The following CDH12 variants were observed in gnomAD, a reference collection of about 807,000 sequenced individuals.
The protein encoded by CDH12 is cadherin 12.
In CDH12, 41 loss-of-function variants were observed where a neutral mutation model predicts 74.1. That is an observed-to-expected ratio of 0.55 (90% CI 0.43 to 0.72). The LOEUF (loss-of-function observed/expected upper bound fraction) is 0.72. CDH12 is among the 30% of genes least tolerant of loss of function. CDH12 has a pLI of 0.00. For missense variants in CDH12, 945 were observed against 977.2 expected (o/e 0.97, Z 0.44); for synonymous variants, 399 against 355.0 (o/e 1.12, Z -1.39).
chr5:22,376,513 C>G (rs556501831), intron 3 of CDH12, among the ~76,000 whole-genome samples: 9 of 151,970 alleles, frequency 5.9e-5, no homozygotes, highest in Non-Finnish European at 1.3e-4. Context: ...ATTACATACC[C>G]TGACTTGATC....
intron 6 of CDH12, among the ~76,000 whole-genome samples, chr5:21,958,882 C>G (rs1756218984): frequency 6.6e-6 from 1 of 152,120 alleles, no homozygotes; most frequent in Non-Finnish European, 1.5e-5. Flanking sequence ...TTGATTTGTG[C>G]AGTATGGCCT....
intron 8 of CDH12, among the ~76,000 whole-genome samples, chr5:21,821,004 A>AT (rs976092854): frequency 6.6e-6 from 1 of 151,882 alleles, no homozygotes; most frequent in African/African-American, 2.4e-5. Context: ...CAAAATCTTC[A>AT]TTTTCCCATA....
intron 4 of CDH12, among the ~76,000 whole-genome samples, chr5:22,194,472 C>T (rs1312388048): frequency 6.6e-6 from 1 of 151,904 alleles, no homozygotes; most frequent in African/African-American, 2.4e-5. Context: ...GCTGGGATTA[C>T]AAGCGTCCGC....
At chr5:22,276,416 TTA>T (rs1369628773) in intron 3 of CDH12, among the ~76,000 whole-genome samples, 2 of 152,194 alleles carry the variant, frequency 1.3e-5, no homozygotes, top group Non-Finnish European at 2.9e-5. Flanking sequence ...TGTACTAGTA[TTA>T]TATGTTATGT....
intron 6 of CDH12, among the ~76,000 whole-genome samples, chr5:21,935,307 A>T (rs10062496): frequency 0.3 from 45,431 of 152,076 alleles, 11,028 homozygotes; most frequent in African/African-American, 0.67. Context: ...TATTAAAAAT[A>T]TTTATTCAGT....
chr5:22,123,603 G>A (rs1459857093), intron 4 of CDH12, among the ~76,000 whole-genome samples: 1 of 152,056 alleles, frequency 6.6e-6, no homozygotes, highest in Non-Finnish European at 1.5e-5. Flanking sequence ...GGTTTTAGAT[G>A]GTTATAAGGC....
chr5:22,366,332 C>A (rs1409165784), intron 3 of CDH12, among the ~76,000 whole-genome samples: 1 of 151,670 alleles, frequency 6.6e-6, no homozygotes, highest in Non-Finnish European at 1.5e-5. Context: ...CAAATAAATC[C>A]CCTTTAATAT....
At chr5:22,476,236 T>C (rs1331713669) in intron 2 of CDH12, among the ~76,000 whole-genome samples, 5 of 152,110 alleles carry the variant, frequency 3.3e-5, no homozygotes, top group African/African-American at 9.7e-5. Flanking sequence ...GCAAACAGAT[T>C]GGTAATTCAT....
chr5:22,704,410 T>A (rs1315335728), intron 1 of CDH12, among the ~76,000 whole-genome samples: 2 of 152,154 alleles, frequency 1.3e-5, no homozygotes, highest in Non-Finnish European at 2.9e-5. Flanking sequence ...AATCAAATTT[T>A]TTTTTAGCTA....
chr5:22,399,536 A>G (rs147504244), intron 3 of CDH12, among the ~76,000 whole-genome samples: 9 of 152,306 alleles, frequency 5.9e-5, no homozygotes, highest in African/African-American at 2.2e-4. Context: ...ACATGTGGAC[A>G]GAGCACATAA....
Position 22,225,550 on chromosome 5 carries a change from G to A in CDH12, c.-332-12907C>T, listed in dbSNP as rs537596624. Among the ~76,000 whole-genome samples, 16 of 152,120 alleles carry A rather than the reference G, an allele frequency of 1.1e-4. No homozygotes were observed. The South Asian group carries it at 3.1e-3, about 30-fold the overall frequency. On this transcript the variant is annotated intron_variant, in intron 3 of 14. Coordinates refer to ENST00000382254, the MANE Select transcript of CDH12 (RefSeq NM_004061.5). ...CAATCCTACTGTTTTTCAGAGAAAC[G>A]TTTATTGATGAAACATTTTTGTAGA...
intron 3 of CDH12, among the ~76,000 whole-genome samples, chr5:22,322,276 A>G (rs1738916147): frequency 6.6e-6 from 1 of 152,196 alleles, no homozygotes; most frequent in Non-Finnish European, 1.5e-5. Context: ...AGTTAAGGCC[A>G]AGCATTAAAA....
intron 9 of CDH12, among the ~76,000 whole-genome samples, chr5:21,814,492 A>C (rs1747935200): frequency 2.0e-5 from 3 of 151,714 alleles, no homozygotes; most frequent in African/African-American, 7.2e-5. Context: ...CGCCTTTTTC[A>C]ACTGTTTTAA....
intron 1 of CDH12, among the ~76,000 whole-genome samples, chr5:22,668,538 T>C (rs1414447979): frequency 1.3e-5 from 2 of 152,146 alleles, no homozygotes; most frequent in African/African-American, 4.8e-5. Context: ...TGATGGAGAC[T>C]CTCTGCAGAG....
chr5:22,757,894 G>A (rs1746013099), intron 1 of CDH12, among the ~76,000 whole-genome samples: 2 of 152,188 alleles, frequency 1.3e-5, no homozygotes, highest in Admixed American at 6.5e-5. Context: ...GTATTCTAAG[G>A]TATGGATTCC....
At chr5:21,919,427 C>G (rs7730479) in intron 6 of CDH12, among the ~76,000 whole-genome samples, 1 of 151,792 alleles carries the variant, frequency 6.6e-6, no homozygotes, top group African/African-American at 2.4e-5. Context: ...ATGTTTTTAT[C>G]GGACACAAAA....
intron 1 of CDH12, among the ~76,000 whole-genome samples, chr5:22,671,778 C>G (rs1448722951): frequency 1.3e-5 from 2 of 151,744 alleles, no homozygotes; most frequent in Middle Eastern, 3.2e-3. Flanking sequence ...ACAAAGGGAA[C>G]AGTGGAAAAG....
intron 3 of CDH12, among the ~76,000 whole-genome samples, chr5:22,400,722 C>T (rs1742694073): frequency 6.6e-6 from 1 of 151,990 alleles, no homozygotes; most frequent in African/African-American, 2.4e-5. Flanking sequence ...CCCCTTTTGC[C>T]AGGTATAGCT....
At chr5:22,517,299 TTTAA>T (rs572479157) in intron 1 of CDH12, among the ~76,000 whole-genome samples, 95 of 152,228 alleles carry the variant, frequency 6.2e-4, no homozygotes, top group African/African-American at 2.2e-3. Flanking sequence ...TCAATACTTA[TTTAA>T]TTAATATTAT....
Sources: gnomAD v4.1 joint callset for allele counts (sites outside exome capture counted in the v4.1 genomes callset) on GRCh38, gnomAD v4.1.1 for gene constraint, MANE v1.5 for transcripts, NCBI Gene and HGNC (gene_info 2026-07-23, HGNC 2026-07-21) for gene names.